Variants in BORCS5 observed in about 807,000 individuals in gnomAD.
BORCS5 encodes the protein BLOC-1 related complex subunit 5.
BORCS5 carries 17 observed loss-of-function variants against 22.1 expected under a neutral mutation model. The ratio of observed to expected loss-of-function variants is 0.77; its 90% confidence interval spans 0.53 to 1.15. The LOEUF (loss-of-function observed/expected upper bound fraction) is 1.15, where lower values mean the gene tolerates loss of function less well. Ranked by LOEUF, BORCS5 falls within the 50% of genes most tolerant of loss-of-function variation. The pLI, the probability that BORCS5 is intolerant of heterozygous loss-of-function variation, is 0.00. For missense variants in BORCS5, 247 were observed against 253.2 expected, an observed-to-expected ratio of 0.98 and a Z score of 0.17; for synonymous variants, 117 against 99.8, an observed-to-expected ratio of 1.17 and a Z score of -1.03.
At chr12:12,366,674 C>T (rs1863412992) in intron 2 of BORCS5, among the ~76,000 whole-genome samples, 1 of 152,160 alleles carries the variant, frequency 6.6e-6, no homozygotes, top group South Asian at 2.1e-4. Context: ...AGATTTCTTA[C>T]TTGAAATTCA....
chr12:12,443,189 A>G (rs1011394150), intron 3 of BORCS5, among the ~76,000 whole-genome samples: 2 of 152,186 alleles, frequency 1.3e-5, no homozygotes, highest in Non-Finnish European at 2.9e-5. Context: ...TTTTAAATAT[A>G]TTTTGGCTTC....
At chr12:12,382,413 A>G (rs1327119848) in intron 2 of BORCS5, among the ~76,000 whole-genome samples, 3 of 151,012 alleles carry the variant, frequency 2.0e-5, no homozygotes, top group African/African-American at 4.9e-5. Flanking sequence ...TGACTCATAC[A>G]TCTCCCACTA....
chr12:12,422,769 T>C (rs76450953), intron 2 of BORCS5, among the ~76,000 whole-genome samples: 10,800 of 152,128 alleles, frequency 0.071, 565 homozygotes, highest in East Asian at 0.23. Flanking sequence ...GTCCAAAATA[T>C]AAACTAATAC....
intron 3 of BORCS5, among the ~76,000 whole-genome samples, chr12:12,439,353 C>T (rs185766291): frequency 3.3e-5 from 5 of 152,162 alleles, no homozygotes; most frequent in South Asian, 2.1e-4. Flanking sequence ...CTTTGGCGGG[C>T]GACATGGCTC....
intron 2 of BORCS5, among the ~76,000 whole-genome samples, chr12:12,407,769 G>A (rs985092704): frequency 1.7e-4 from 25 of 148,378 alleles, no homozygotes; most frequent in Admixed American, 9.5e-4. Context: ...GCAGTGGCAC[G>A]ATCTTGGCTC....
intron 2 of BORCS5, among the ~76,000 whole-genome samples, chr12:12,378,091 G>A (rs528116616): frequency 7.9e-5 from 12 of 152,262 alleles, no homozygotes; most frequent in African/African-American, 2.9e-4. Flanking sequence ...TCTATTATAG[G>A]CCGGGCACGG....
intron 2 of BORCS5, among the ~76,000 whole-genome samples, chr12:12,395,435 A>ATTTTTTTTTTTTT (rs59277387): frequency 3.6e-4 from 39 of 107,842 alleles, no homozygotes; most frequent in Non-Finnish European, 4.8e-4. Flanking sequence ...CACCCAGCTA[A>ATTTTTTTTTTTTT]TTTTTTTTTT....
intron 2 of BORCS5, among the ~76,000 whole-genome samples, chr12:12,425,088 AG>A (rs1565900525): frequency 6.6e-6 from 1 of 152,164 alleles, no homozygotes; most frequent in African/African-American, 2.4e-5. Flanking sequence ...TCATATTTAG[AG>A]GACAGGGTCC....
In BORCS5 at chr12:12,427,421, G is replaced by C. The variant is rs550080746; in HGVS notation, c.203-8207G>C. Among the ~76,000 whole-genome samples the C allele has an allele frequency of 2.0e-3, 305 of 152,074 alleles. 3 individuals are homozygous for C. The highest frequency in any genetic ancestry group is 0.01 in the Middle Eastern group (3 of 294). On this transcript the variant is annotated intron_variant, in intron 2 of 3. Coordinates refer to ENST00000314565, the MANE Select transcript of BORCS5 (RefSeq NM_058169.6). ...GGTCTCGATATCCTGACCTTGTGAT[G>C]GGCCCGCCTCGGCCTCCCAAAGTGC...
intron 2 of BORCS5, among the ~76,000 whole-genome samples, chr12:12,365,436 TC>T (rs1863385896): frequency 6.6e-6 from 1 of 151,206 alleles, no homozygotes. Context: ...CACCTTAGCC[TC>T]CCAAAGTGCT....
chr12:12,408,677 A>G (rs1941646923), intron 2 of BORCS5, among the ~76,000 whole-genome samples: 1 of 152,140 alleles, frequency 6.6e-6, no homozygotes, highest in Non-Finnish European at 1.5e-5. Context: ...GGCTTACTTC[A>G]CTTAGTGTAA....
chr12:12,357,558 C>T, intron 1 of BORCS5, 49 bp downstream of exon 1: 1 of 1,570,914 alleles, frequency 6.4e-7, no homozygotes, highest in South Asian at 1.1e-5. Flanking sequence ...TGTCCCCTTG[C>T]AGAGCGGGCT....
chr12:12,419,802 T>G (rs1300604657), intron 2 of BORCS5, among the ~76,000 whole-genome samples: 1 of 152,234 alleles, frequency 6.6e-6, no homozygotes, highest in Non-Finnish European at 1.5e-5. Flanking sequence ...CCAGTGATGA[T>G]GAGCATTTTT....
chr12:12,469,214 G>A lies in BORCS5; in HGVS notation c.*3438G>A, dbSNP rs545227461. On this transcript the variant is annotated 3_prime_UTR_variant, in exon 4 of 4. Coordinates refer to ENST00000314565, the MANE Select transcript of BORCS5 (RefSeq NM_058169.6). ...CTAAAAAAAATACAGAAATTACCCG[G>A]GCATGGTGGCTGGTGCCTGTAATCC... is the stretch of plus-strand genomic sequence containing the variant. 1 of 152,358 alleles carries A rather than the reference G, an allele frequency of 6.6e-6. No homozygotes were observed. The highest frequency in any genetic ancestry group is 1.5e-5 in the Non-Finnish European group (1 of 68,058). 9.4% of individuals were successfully genotyped at this position (152,358 alleles called of 1,614,324 possible).
intron 2 of BORCS5, among the ~76,000 whole-genome samples, chr12:12,414,427 G>A (rs1162483814): frequency 2.9e-5 from 3 of 102,978 alleles, no homozygotes; most frequent in Non-Finnish European, 4.3e-5. Context: ...CTGGCCGGGC[G>A]GGGGGCTGAC....
At chr12:12,407,342 T>C (rs1941616078) in intron 2 of BORCS5, among the ~76,000 whole-genome samples, 2 of 152,242 alleles carry the variant, frequency 1.3e-5, no homozygotes, top group South Asian at 2.1e-4. Context: ...ATTTATTCTT[T>C]CCTTTGTTTA....
At position 12,361,063 on chromosome 12, in the gene BORCS5, A is replaced by C; in HGVS notation, c.59-143A>C. 9.4e-6 allele frequency: 7 copies of C among 745,450 alleles called. No homozygotes were observed. The South Asian group carries it at 1.3e-4, about 14-fold the overall frequency. 46.2% of individuals were successfully genotyped at this position (745,450 alleles called of 1,614,324 possible). A position where few individuals can be genotyped will look rare whatever the true frequency, so the allele number is the denominator to read the frequency against. On this transcript the variant is annotated intron_variant, in intron 1 of 3. Coordinates refer to ENST00000314565, the MANE Select transcript of BORCS5 (RefSeq NM_058169.6). ...AAATACTATAGAAAACAGTTTCTAT[A>C]ATTCATCCCTGCCACCCCAACCCCA...
chr12:12,427,843 C>A (rs1942328119), intron 2 of BORCS5, among the ~76,000 whole-genome samples: 1 of 152,182 alleles, frequency 6.6e-6, no homozygotes, highest in East Asian at 1.9e-4. Flanking sequence ...TCTCACATCT[C>A]TTCTTCTAGT....
rs554102480 is a variant in BORCS5 at position 12,385,308 on chromosome 12, T to C, written c.202+23959T>C. ...ACTTTCCACTTGCCCATCTCTGAGA[T>C]AGTCAATTCTACTGATGACACCGCT... is the stretch of plus-strand genomic sequence containing the variant. On this transcript the variant is annotated intron_variant, in intron 2 of 3. Transcript: ENST00000314565. Among the ~76,000 whole-genome samples the C allele has an allele frequency of 1.1e-3, 160 of 151,512 alleles. 3 individuals carry two copies. Among genetic ancestry groups the C allele is most frequent in the African/African-American group, 3.8e-3 (157 of 41,316 alleles).
Sources: allele counts gnomAD v4.1 joint callset (sites outside exome capture counted in the v4.1 genomes callset), GRCh38; gene constraint gnomAD v4.1.1; transcripts MANE v1.5; gene names NCBI Gene and HGNC (gene_info 2026-07-23, HGNC 2026-07-21).